Variants in NTM observed in about 807,000 individuals in gnomAD.
NTM encodes neurotrimin, also known as IgLON family member 2.
A neutral mutation model predicts 42.1 loss-of-function variants in NTM; 13 were observed. The observed-to-expected ratio is 0.31, with a 90% CI of 0.20 to 0.49. The LOEUF (loss-of-function observed/expected upper bound fraction) is 0.49. Ranked by LOEUF, NTM falls within the 20% of genes least tolerant of loss-of-function variation. The pLI, the probability that NTM is intolerant of heterozygous loss-of-function variation, is 0.99. For synonymous variants in NTM, 187 were observed against 179.2 expected, an observed-to-expected ratio of 1.04 and a Z score of -0.35; for missense variants, 373 against 452.8, an observed-to-expected ratio of 0.82 and a Z score of 1.60.
chr11:131,436,725 A>G (rs530844516), intron 1 of NTM, among the ~76,000 whole-genome samples: 1 of 152,164 alleles, frequency 6.6e-6, no homozygotes, highest in East Asian at 1.9e-4. Flanking sequence ...TGATATTTTC[A>G]AAAAACCAGC....
intron 1 of NTM, among the ~76,000 whole-genome samples, chr11:131,672,477 C>CA (rs1249261928): frequency 3.9e-5 from 6 of 152,220 alleles, no homozygotes; most frequent in Non-Finnish European, 5.9e-5. Flanking sequence ...GACACCCCGA[C>CA]AGCTGGAGTG....
chr11:132,280,751 G>A (rs549404988), intron 4 of NTM, among the ~76,000 whole-genome samples: 3 of 152,048 alleles, frequency 2.0e-5, no homozygotes, highest in Non-Finnish European at 2.9e-5. Flanking sequence ...CTCCCAAAGC[G>A]CTGGGATTAC....
At chr11:132,309,984 A>AACCT in intron 5 of NTM, 128 bp from the exon 6 acceptor site, 1 of 1,129,644 alleles carries the variant, frequency 8.9e-7, no homozygotes, top group African/African-American at 1.7e-5. Flanking sequence ...TGAACCCGGG[A>AACCT]GGCAGAACGT....
At chr11:131,656,682 G>C (rs920328885) in intron 1 of NTM, among the ~76,000 whole-genome samples, 3 of 152,130 alleles carry the variant, frequency 2.0e-5, no homozygotes, top group Non-Finnish European at 2.9e-5. Context: ...TGGGGAGGAG[G>C]AGGAAGGGGC....
At chr11:131,824,650 C>T (rs1447591592) in intron 1 of NTM, among the ~76,000 whole-genome samples, 1 of 152,174 alleles carries the variant, frequency 6.6e-6, no homozygotes, top group Non-Finnish European at 1.5e-5. Context: ...TTGTGACAGA[C>T]ATTACACTGG....
intron 2 of NTM, among the ~76,000 whole-genome samples, chr11:132,051,755 G>A (rs150928845): frequency 0.015 from 2,356 of 152,272 alleles, 35 homozygotes; most frequent in South Asian, 0.024. Context: ...TAACTACTCC[G>A]TCTACAGTTC....
At position 132,320,330 on chromosome 11, in the gene NTM, G is replaced by A. The variant is rs193264775; in HGVS notation, c.934+5627G>A. ...GTCAGTGGGTGCACGCACCATGCGC[G>A]AGCCAAAGCAGGGCGAGGCATTGCC... On this transcript the variant is annotated intron_variant, in intron 7 of 8. Coordinates refer to ENST00000683400, the MANE Select transcript of NTM (RefSeq NM_001352005.2). Among the ~76,000 whole-genome samples, 809 of 152,328 alleles carry A rather than the reference G, an allele frequency of 5.3e-3. 6 individuals are homozygous for A. The highest frequency in any genetic ancestry group is 0.019 in the African/African-American group (776 of 41,576).
chr11:132,326,969 T>C (rs2095696449), intron 7 of NTM, among the ~76,000 whole-genome samples: 1 of 152,236 alleles, frequency 6.6e-6, no homozygotes, highest in South Asian at 2.1e-4. Context: ...GCTATTTTGC[T>C]AACCAATATC....
chr11:132,235,206 T>C (rs2088542362), intron 4 of NTM, among the ~76,000 whole-genome samples: 1 of 152,206 alleles, frequency 6.6e-6, no homozygotes, highest in African/African-American at 2.4e-5. Flanking sequence ...CTTCATTAAA[T>C]ACCATTAGAA....
At chr11:131,733,757 C>T (rs1211862289) in intron 1 of NTM, among the ~76,000 whole-genome samples, 5 of 152,062 alleles carry the variant, frequency 3.3e-5, no homozygotes, top group South Asian at 2.1e-4. Flanking sequence ...AGGCTGCTCT[C>T]GAACCCCTGA....
At chr11:132,240,310 G>A (rs1341903906) in intron 4 of NTM, among the ~76,000 whole-genome samples, 1 of 152,168 alleles carries the variant, frequency 6.6e-6, no homozygotes, top group Non-Finnish European at 1.5e-5. Flanking sequence ...TCTTTGTAGA[G>A]ATAATGTCTA....
intron 1 of NTM, among the ~76,000 whole-genome samples, chr11:131,422,099 G>A (rs1381208200): frequency 1.3e-5 from 2 of 152,184 alleles, no homozygotes; most frequent in Admixed American, 6.5e-5. Flanking sequence ...TAGGCATCCC[G>A]TCTACTTTGC....
chr11:132,035,019 CTTCCCATGGTT>C (rs2076345259), intron 2 of NTM, among the ~76,000 whole-genome samples: 1 of 152,148 alleles, frequency 6.6e-6, no homozygotes, highest in Non-Finnish European at 1.5e-5. Flanking sequence ...TGATGTTTTT[CTTCCCATGGTT>C]TTCATTAACA....
intron 1 of NTM, among the ~76,000 whole-genome samples, chr11:131,628,329 T>G (rs568850076): frequency 6.6e-6 from 1 of 152,328 alleles, no homozygotes; most frequent in South Asian, 2.1e-4. Flanking sequence ...GAAAAGTTAT[T>G]AATAGTTTAT....
At chr11:131,657,402 G>A (rs543372075) in intron 1 of NTM, among the ~76,000 whole-genome samples, 6 of 152,228 alleles carry the variant, frequency 3.9e-5, no homozygotes, top group Non-Finnish European at 8.8e-5. Flanking sequence ...AGGGCAGAGG[G>A]TGGACCAGTG....
chr11:132,333,321 G>GACTT (rs1393052033), intron 8 of NTM, among the ~76,000 whole-genome samples: 1 of 152,116 alleles, frequency 6.6e-6, no homozygotes, highest in Non-Finnish European at 1.5e-5. Flanking sequence ...AGAGGGGAAG[G>GACTT]ACTTACGCAG....
chr11:131,584,657 G>A (rs555619244), intron 1 of NTM, among the ~76,000 whole-genome samples: 5 of 152,342 alleles, frequency 3.3e-5, no homozygotes, highest in South Asian at 4.1e-4. Context: ...ACCCAAATTT[G>A]TTACTACCCC....
At chr11:132,193,153 A>G (rs2079584205) in intron 3 of NTM, among the ~76,000 whole-genome samples, 2 of 152,152 alleles carry the variant, frequency 1.3e-5, no homozygotes, top group South Asian at 4.1e-4. Context: ...GTTGAATTTA[A>G]TTGACATCTA....
At chr11:131,768,723 C>A (rs562590037) in intron 1 of NTM, among the ~76,000 whole-genome samples, 18 of 152,276 alleles carry the variant, frequency 1.2e-4, no homozygotes, top group African/African-American at 4.3e-4. Context: ...AACTAGGTGT[C>A]ACGTAAAATG....
Sources: gnomAD v4.1 joint callset for allele counts (sites outside exome capture counted in the v4.1 genomes callset) on GRCh38, gnomAD v4.1.1 for gene constraint, MANE v1.5 for transcripts, NCBI Gene and HGNC (gene_info 2026-07-23, HGNC 2026-07-21) for gene names.